The following MYOC variants were observed in gnomAD, a reference collection of about 807,000 sequenced individuals.
MYOC encodes juvenile-onset open-angle glaucoma 1.
MYOC carries 29 observed loss-of-function variants against 28.2 expected under a neutral mutation model. The ratio of observed to expected loss-of-function variants is 1.03; its 90% CI spans 0.77 to 1.40. The LOEUF (loss-of-function observed/expected upper bound fraction) is 1.40, where lower values mean the gene tolerates loss of function less well. MYOC is among the 40% of genes most tolerant of loss of function. The pLI is 0.00. For synonymous variants in MYOC, 240 were observed against 245.6 expected (o/e 0.98, Z 0.21); for missense variants, 569 against 620.6 (o/e 0.92, Z 0.88).
rs200968862 is a variant in MYOC at position 171,638,660 on chromosome 1, G to A, written c.667C>T (p.Pro223Ser). Residue 223 changes from proline (P) to serine (S), a missense_variant, in exon 2 of 3, where the codon CCT (proline) becomes TCT (serine). Pro to Ser is a moderately conservative substitution (Grantham distance 74, BLOSUM62 -1). Coordinates refer to ENST00000037502, the MANE Select transcript of MYOC (RefSeq NM_000261.2). Reference protein sequence around the residue: ...QELKSELTEVPASRILKESPS... With the variant: ...QELKSELTEVSASRILKESPS... ...CTCTCCTTCAAAATTCGGGAAGCAG[G>A]AACTTCAGTTAGCTCGGACTTCAGT... The A allele has an allele frequency of 5.0e-6, 8 of 1,614,158 alleles. No homozygotes were observed. Among genetic ancestry groups the A allele is most frequent in the East Asian group, 2.2e-5 (1 of 44,892 alleles).
At chr1:171,649,711 C>T (rs1486220292) in intron 1 of MYOC, among the ~76,000 whole-genome samples, 3 of 152,168 alleles carry the variant, frequency 2.0e-5, no homozygotes, top group East Asian at 1.9e-4. Flanking sequence ...AGGAGAATTG[C>T]TTGAACCCGG....
chr1:171,638,775 A>C, intron 1 of MYOC, 53 bp from the exon 2 acceptor site: 1 of 1,601,082 alleles, frequency 6.2e-7, no homozygotes, highest in Non-Finnish European at 8.5e-7. Flanking sequence ...TGGCCCAAGG[A>C]TTGACTATGT....
At position 171,636,637 on chromosome 1, in the gene MYOC, C is replaced by T. The variant is rs767537634; in HGVS notation, c.803G>A (p.Gly268Asp). ...GGGCTTGGGGTCTCGCATCCACACACCATACTTGCCAGTAATTGTTTCTGC... is the reference window on the plus strand; with the variant it reads ...GGGCTTGGGGTCTCGCATCCACACATCATACTTGCCAGTAATTGTTTCTGC... ...RTAETITGKY[G>D]VWMRDPKPTY... Residue 268 changes from glycine (G) to aspartate (D), a missense_variant, in exon 3 of 3, where the codon GGT becomes GAT. Transcript: ENST00000037502. 1.2e-6 allele frequency: 2 copies of T among 1,611,796 alleles called. No individual in the cohort carries two copies. The highest frequency in any genetic ancestry group is 1.7e-6 in the Non-Finnish European group (2 of 1,180,024).
Position 171,638,666 on chromosome 1 carries a change from C to T in MYOC, c.661G>A (p.Glu221Lys), listed in dbSNP as rs751919607. Residue 221 changes from glutamate to lysine, a missense_variant, in exon 2 of 3, where the codon GAA becomes AAA. Physicochemically the swap from Glu to Lys is moderately conservative, Grantham distance 56. Coordinates refer to ENST00000037502, the MANE Select transcript of MYOC (RefSeq NM_000261.2). ...AFQELKSELT[E>K]VPASRILKES... is the part of the protein sequence containing the mutation. ...TTCAAAATTCGGGAAGCAGGAACTTCAGTTAGCTCGGACTTCAGTTCCTGG... is the reference window on the plus strand; with the variant it reads ...TTCAAAATTCGGGAAGCAGGAACTTTAGTTAGCTCGGACTTCAGTTCCTGG... The T allele has an allele frequency of 6.2e-7, 1 of 1,614,030 alleles. No individual in the cohort carries two copies. Among genetic ancestry groups the T allele is most frequent in the East Asian group, 2.2e-5 (1 of 44,896 alleles).
chr1:171,640,512 T>C (rs1653051888), intron 1 of MYOC, among the ~76,000 whole-genome samples: 3 of 152,088 alleles, frequency 2.0e-5, no homozygotes, highest in Non-Finnish European at 4.4e-5. Context: ...GGTAGACAGA[T>C]CACTGGAGCC....
intron 1 of MYOC, among the ~76,000 whole-genome samples, chr1:171,649,625 G>A (rs1441202205): frequency 1.3e-5 from 2 of 152,082 alleles, no homozygotes; most frequent in Non-Finnish European, 2.9e-5. Flanking sequence ...GTGAAACCCT[G>A]TCTCTACTAA....
At chr1:171,645,877 C>A (rs781183064) in intron 1 of MYOC, among the ~76,000 whole-genome samples, 6 of 152,256 alleles carry the variant, frequency 3.9e-5, no homozygotes, top group Non-Finnish European at 8.8e-5. Context: ...CCTTACGGCT[C>A]TGAGCAAGGA....
chr1:171,636,073 C>T lies in MYOC; in HGVS notation c.1367G>A (p.Gly456Asp), dbSNP rs1454443086. 9.9e-6 allele frequency: 16 copies of T among 1,614,166 alleles called. No homozygotes were observed. The highest frequency in any genetic ancestry group is 1.2e-5 in the Non-Finnish European group (14 of 1,180,036). The change falls in exon 3 of 3, where the codon GGC (glycine) becomes GAC (aspartate). Residue 456 changes from glycine (G) to aspartate (D), a missense_variant. Transcript: ENST00000037502. ...DATVNFAYDT[G>D]TGISKTLTIP... is the part of the protein sequence containing the mutation. Reference sequence around the variant, plus strand: ...GGTCAGGGTCTTGCTGATACCTGTGCCTGTGTCATAAGCAAAGTTGACGGT... The same window carrying T: ...GGTCAGGGTCTTGCTGATACCTGTGTCTGTGTCATAAGCAAAGTTGACGGT...
intron 1 of MYOC, among the ~76,000 whole-genome samples, chr1:171,651,343 A>T (rs1248616961): frequency 1.6e-5 from 1 of 62,054 alleles, no homozygotes; most frequent in Non-Finnish European, 3.8e-5. Flanking sequence ...TCACCCCCGC[A>T]CCCCCCCCAC....
In MYOC at chr1:171,652,323, T is replaced by C; in HGVS notation, c.289A>G (p.Ser97Gly). 13 of 1,610,158 alleles carry C rather than the reference T, an allele frequency of 8.1e-6. No individual in the cohort carries two copies. The highest frequency in any genetic ancestry group is 1.1e-5 in the Non-Finnish European group (13 of 1,177,404). ...ATKARLSSLE[S>G]LLHQLTLDQA... Reference sequence around the variant, plus strand: ...TCCAAGGTCAATTGGTGGAGGAGGCTCTCCAGGGAGCTGAGTCGAGCTTTG... The same window carrying C: ...TCCAAGGTCAATTGGTGGAGGAGGCCCTCCAGGGAGCTGAGTCGAGCTTTG... Residue 97 changes from serine to glycine, a missense_variant, in exon 1 of 3, where the codon AGC becomes GGC. Ser to Gly is a moderately conservative substitution (Grantham distance 56). Coordinates refer to ENST00000037502, the MANE Select transcript of MYOC (RefSeq NM_000261.2).
chr1:171,648,650 T>A (rs977896782), intron 1 of MYOC, among the ~76,000 whole-genome samples: 5 of 147,978 alleles, frequency 3.4e-5, no homozygotes, highest in African/African-American at 1.2e-4. Context: ...TATAATAAAT[T>A]TATATATATA....
In MYOC at chr1:171,648,778, C is replaced by T. The variant is rs1037553214; in HGVS notation, c.604+3230G>A. On this transcript the variant is annotated intron_variant, in intron 1 of 2. Transcript: ENST00000037502. ...TCTTGGCTCACTGCAACGTCTGCCT[C>T]CCAGGTTCAAGCGATTCTCCTGCCT... 3.3e-4 allele frequency among the ~76,000 whole-genome samples: 50 copies of T among 150,076 alleles called. No individual in the cohort carries two copies. The East Asian group carries it at 9.6e-3, about 29-fold the overall frequency.
At chr1:171,644,202 C>T (rs1376122423) in intron 1 of MYOC, among the ~76,000 whole-genome samples, 1 of 150,524 alleles carries the variant, frequency 6.6e-6, no homozygotes, top group African/African-American at 2.4e-5. Context: ...GGAAGAAAAC[C>T]AAAAAGAGAT....
At position 171,635,763 on chromosome 1, in the gene MYOC, G is replaced by A; in HGVS notation, c.*162C>T. The A allele has an allele frequency of 1.4e-6, 1 of 697,330 alleles. No individual in the cohort carries two copies. The highest frequency in any genetic ancestry group is 2.5e-6 in the Non-Finnish European group (1 of 403,532). 43.2% of individuals were successfully genotyped at this position (697,330 alleles called of 1,614,324 possible). A position where few individuals can be genotyped will look rare whatever the true frequency, so the allele number is the denominator to read the frequency against. The stretch of plus-strand genomic sequence containing the variant: ...TCTACGCCCTCAGACTACAATTCCT[G>A]AATAGTTAGATGGTGACCATGTTCA... On this transcript the variant is annotated 3_prime_UTR_variant, in exon 3 of 3. Coordinates refer to ENST00000037502, the MANE Select transcript of MYOC (RefSeq NM_000261.2).
chr1:171,641,724 C>A (rs990867013), intron 1 of MYOC, among the ~76,000 whole-genome samples: 1 of 152,220 alleles, frequency 6.6e-6, no homozygotes, highest in African/African-American at 2.4e-5. Context: ...ACCTCTGAGT[C>A]ACTTCTCTGC....
chr1:171,644,574 C>A (rs1373346180), intron 1 of MYOC, among the ~76,000 whole-genome samples: 1 of 91,850 alleles, frequency 1.1e-5, no homozygotes, highest in Non-Finnish European at 2.0e-5. Flanking sequence ...CTCTAAAAAA[C>A]AGCTTTTTTT....
chr1:171,638,822 G>A, intron 1 of MYOC, 100 bp from the exon 2 acceptor site: 1 of 1,368,094 alleles, frequency 7.3e-7, no homozygotes, highest in Non-Finnish European at 1.0e-6. Flanking sequence ...GGCCAGGCGT[G>A]GTGGCTCATG....
rs71107331 is a variant in MYOC, at chr1:171,651,350, C to CCA, written c.604+656_604+657dup. Among the ~76,000 whole-genome samples the CCA allele has an allele frequency of 5.4e-3, 800 of 146,826 alleles. 21 individuals carry two copies. The highest frequency in any genetic ancestry group is 0.043 in the Admixed American group (619 of 14,544). On this transcript the variant is annotated intron_variant, in intron 1 of 2. Coordinates refer to ENST00000037502, the MANE Select transcript of MYOC (RefSeq NM_000261.2). ...CCAACACCTCACCCCCGCACCCCCC[C>CCA]CACACACACACAGACTCACCTTTAG... is the stretch of plus-strand genomic sequence containing the variant.
intron 1 of MYOC, among the ~76,000 whole-genome samples, chr1:171,646,653 C>T (rs960726635): frequency 5.9e-5 from 9 of 151,810 alleles, no homozygotes; most frequent in African/African-American, 1.9e-4. Context: ...CCTGCCACCA[C>T]GCCTGGCTAA....
Sources: allele counts gnomAD v4.1 joint callset (sites outside exome capture counted in the v4.1 genomes callset), GRCh38; gene constraint gnomAD v4.1.1; transcripts MANE v1.5; gene names NCBI Gene and HGNC (gene_info 2026-07-23, HGNC 2026-07-21).